Variants in CCSER2 observed in about 807,000 individuals in gnomAD.
CCSER2 encodes the protein serine-rich coiled-coil domain-containing protein 2.
In CCSER2, 46 loss-of-function variants were observed where a neutral mutation model predicts 92.3. That is an observed-to-expected ratio of 0.50 (90% CI 0.39 to 0.64). CCSER2 has a LOEUF of 0.64. Among genes scored for constraint, CCSER2 ranks in the 30% least tolerant of loss-of-function variants. The pLI is 0.00. For synonymous variants in CCSER2, 433 were observed against 431.4 expected (o/e 1.00, Z -0.04); for missense variants, 1,244 against 1,238.9 (o/e 1.00, Z -0.06).
intron 9 of CCSER2, among the ~76,000 whole-genome samples, chr10:84,505,331 AT>A (rs1848984271): frequency 6.6e-6 from 1 of 152,116 alleles, no homozygotes; most frequent in South Asian, 2.1e-4. Context: ...CTTTTCTTAG[AT>A]TTCCTGGAAG....
intron 1 of CCSER2, among the ~76,000 whole-genome samples, chr10:84,347,508 A>AC (rs370961203): frequency 2.8e-5 from 3 of 107,846 alleles, no homozygotes; most frequent in Non-Finnish European, 5.7e-5. Context: ...GTGGGGGCTG[A>AC]CCCCCCACCT....
chr10:84,421,452 C>G (rs1843146128), intron 4 of CCSER2, among the ~76,000 whole-genome samples: 1 of 152,096 alleles, frequency 6.6e-6, no homozygotes, highest in Non-Finnish European at 1.5e-5. Flanking sequence ...CACATGGCAG[C>G]AGGAGAGAGA....
intron 3 of CCSER2, among the ~76,000 whole-genome samples, chr10:84,385,236 A>G (rs1031800129): frequency 3.9e-5 from 6 of 152,292 alleles, no homozygotes; most frequent in African/African-American, 1.4e-4. Flanking sequence ...ATCACTTTTC[A>G]CAGAATTAGA....
chr10:84,436,779 G>GT (rs1371865879), intron 5 of CCSER2, among the ~76,000 whole-genome samples: 1 of 152,108 alleles, frequency 6.6e-6, no homozygotes, highest in Non-Finnish European at 1.5e-5. Flanking sequence ...TTTTTCTTGG[G>GT]TTAAAAGAAA....
chr10:84,432,807 AC>A (rs1357394989), intron 5 of CCSER2, among the ~76,000 whole-genome samples: 1 of 152,146 alleles, frequency 6.6e-6, no homozygotes, highest in Non-Finnish European at 1.5e-5. Context: ...ATCCAAGGTC[AC>A]CTGGATTTTC....
At chr10:84,443,883 A>C (rs1161205354) in intron 6 of CCSER2, among the ~76,000 whole-genome samples, 2 of 152,294 alleles carry the variant, frequency 1.3e-5, no homozygotes, top group East Asian at 3.9e-4. Context: ...TTAGCAAGCT[A>C]ATACTGGAAC....
chr10:84,423,393 A>G (rs1320739605), intron 4 of CCSER2, among the ~76,000 whole-genome samples: 2 of 152,174 alleles, frequency 1.3e-5, no homozygotes, highest in Non-Finnish European at 2.9e-5. Flanking sequence ...ACTTACCATT[A>G]TGTCCATGTT....
chr10:84,387,542 T>TG (rs1192128883), intron 3 of CCSER2, among the ~76,000 whole-genome samples: 5 of 152,166 alleles, frequency 3.3e-5, no homozygotes, highest in African/African-American at 1.2e-4. Context: ...AATTTTTTTT[T>TG]TTTTGAGACA....
intron 3 of CCSER2, among the ~76,000 whole-genome samples, chr10:84,390,076 A>G (rs1384628209): frequency 2.0e-5 from 3 of 152,148 alleles, no homozygotes; most frequent in Admixed American, 6.5e-5. Context: ...ATATATTTAT[A>G]TATATACATA....
At chr10:84,375,408 A>G (rs1467508050) in intron 3 of CCSER2, among the ~76,000 whole-genome samples, 1 of 152,192 alleles carries the variant, frequency 6.6e-6, no homozygotes, top group Non-Finnish European at 1.5e-5. Flanking sequence ...AGTTGATGGC[A>G]AAAGTTGAGA....
chr10:84,470,271 A>G (rs1846710167), intron 7 of CCSER2, 101 bp from the exon 8 acceptor site: 1 of 608,600 alleles, frequency 1.6e-6, no homozygotes, highest in African/African-American at 1.9e-5. Context: ...TCCCCCCTAA[A>G]TGACCAGATA....
chr10:84,477,866 C>T (rs532784216), intron 9 of CCSER2, among the ~76,000 whole-genome samples: 31 of 152,214 alleles, frequency 2.0e-4, no homozygotes, highest in African/African-American at 7.5e-4. Context: ...AGTGAATGTG[C>T]ATTTTAATAG....
intron 6 of CCSER2, among the ~76,000 whole-genome samples, chr10:84,439,198 C>CT (rs10654679): frequency 0.64 from 89,298 of 139,508 alleles, 28,671 homozygotes; most frequent in Middle Eastern, 0.68. Context: ...TTTTTCTTTT[C>CT]TTTTTTTTTT....
At chr10:84,446,322 T>C (rs1190089763) in intron 6 of CCSER2, among the ~76,000 whole-genome samples, 1 of 152,236 alleles carries the variant, frequency 6.6e-6, no homozygotes, top group African/African-American at 2.4e-5. Flanking sequence ...AAATGTGATA[T>C]ACAAATGTTT....
At chr10:84,429,862 C>G (rs1169251040) in intron 5 of CCSER2, among the ~76,000 whole-genome samples, 1 of 109,190 alleles carries the variant, frequency 9.2e-6, no homozygotes, top group South Asian at 3.3e-4. Context: ...TTGCTTGTCA[C>G]AAAAAATTTG....
intron 3 of CCSER2, chr10:84,391,677 T>A (rs1841526265): frequency 5.2e-6 from 8 of 1,529,604 alleles, no homozygotes; most frequent in Non-Finnish European, 7.2e-6. Context: ...AAGACATTGT[T>A]AGAGAATACA....
intron 1 of CCSER2, among the ~76,000 whole-genome samples, chr10:84,363,435 G>A (rs909445002): frequency 6.6e-6 from 1 of 152,154 alleles, no homozygotes; most frequent in African/African-American, 2.4e-5. Flanking sequence ...TGATCTAGTT[G>A]TCTGAACTTG....
chr10:84,407,607 T>C (rs1842441984), intron 3 of CCSER2, among the ~76,000 whole-genome samples: 1 of 152,238 alleles, frequency 6.6e-6, no homozygotes, highest in South Asian at 2.1e-4. Flanking sequence ...GCCACATGGA[T>C]TCTGCAATAG....
chr10:84,357,915 A>C (rs1589434675), intron 1 of CCSER2, among the ~76,000 whole-genome samples: 1 of 152,344 alleles, frequency 6.6e-6, no homozygotes, highest in East Asian at 1.9e-4. Flanking sequence ...TCTATGGGTG[A>C]CATAATGGTG....
Sources: allele counts gnomAD v4.1 joint callset (sites outside exome capture counted in the v4.1 genomes callset), GRCh38; gene constraint gnomAD v4.1.1; transcripts MANE v1.5; gene names NCBI Gene and HGNC (gene_info 2026-07-23, HGNC 2026-07-21).